Variants in SH2B2 observed in about 807,000 individuals in gnomAD.
SH2B2 encodes SH2B adaptor protein 2, also known as SH2B adapter protein 2.
In SH2B2, 37 loss-of-function variants were observed where a neutral mutation model predicts 35.7. That is an observed-to-expected ratio of 1.04 (90% CI 0.80 to 1.36). SH2B2 has a LOEUF of 1.36. SH2B2 is among the 40% of genes most tolerant of loss of function. The pLI, the probability that SH2B2 is intolerant of heterozygous loss-of-function variation, is 0.00. For synonymous variants in SH2B2, 383 were observed against 376.4 expected (o/e 1.02, Z -0.20); for missense variants, 852 against 817.7 (o/e 1.04, Z -0.51).
intron 1 of SH2B2, among the ~76,000 whole-genome samples, chr7:102,290,972 C>G (rs1792651105): frequency 6.6e-6 from 1 of 152,222 alleles, no homozygotes; most frequent in South Asian, 2.1e-4. Context: ...TCCATCTTAA[C>G]AGATGGGGAA....
At chr7:102,286,785 G>A (rs1418597964), upstream of SH2B2, 1 of 134,512 alleles carries the variant, frequency 7.4e-6, no homozygotes, top group Admixed American at 7.1e-5. Flanking sequence ...GCCAGGACGC[G>A]CGAGGGGGGG....
At chr7:102,318,932 G>A (rs1483351353) in intron 7 of SH2B2, among the ~76,000 whole-genome samples, 1 of 152,196 alleles carries the variant, frequency 6.6e-6, no homozygotes, top group Non-Finnish European at 1.5e-5. Flanking sequence ...CAAGCCAGAG[G>A]CTAGGATGGG....
chr7:102,309,066 A>G (rs782321203), intron 4 of SH2B2, 160 bp downstream of exon 4: 2 of 724,824 alleles, frequency 2.8e-6, no homozygotes, highest in African/African-American at 1.7e-5. Flanking sequence ...CCTCCTTTAA[A>G]ATACCCCCTA....
intron 1 of SH2B2, among the ~76,000 whole-genome samples, chr7:102,295,821 C>A (rs1238245126): frequency 5.9e-5 from 9 of 152,062 alleles, no homozygotes; most frequent in Admixed American, 4.6e-4. Context: ...GGGAAAAGGT[C>A]AGGCATGAGC....
chr7:102,319,891 G>A (rs550237188), intron 7 of SH2B2, among the ~76,000 whole-genome samples: 3 of 151,468 alleles, frequency 2.0e-5, no homozygotes, highest in Non-Finnish European at 1.5e-5. Flanking sequence ...TTTTGGCTCT[G>A]CAGGGACAGA....
intron 5 of SH2B2, 41 bp downstream of exon 5, chr7:102,314,468 G>T (rs889590622): frequency 1.1e-4 from 42 of 398,700 alleles, no homozygotes; most frequent in African/African-American, 8.4e-4. Flanking sequence ...CACACTCAGG[G>T]TGGACAGATA....
Position 102,297,394 on chromosome 7 carries a change from TACACACACACACAC to T in SH2B2, c.-29-3105_-29-3092del, listed in dbSNP as rs3988122. Among the ~76,000 whole-genome samples, 105 of 144,550 alleles carry T rather than the reference TACACACACACACAC, an allele frequency of 7.3e-4. 2 individuals are homozygous for T. The South Asian group carries it at 0.011, about 15-fold the overall frequency. The allele number at this position is 144,550 out of a possible 152,430, so 94.8% of individuals were successfully genotyped here. On this transcript the variant is annotated intron_variant, in intron 1 of 8. Transcript: ENST00000444095. The surrounding 1 kb of genome is among the most constrained non-coding windows in gnomAD (Gnocchi z 4.3). ...CATCAATAGAGTGAGATCCCATCTCTACACACACACACACACACACACACACACACACACACGCA... is the reference window on the plus strand; with the variant it reads ...CATCAATAGAGTGAGATCCCATCTCTACACACACACACACACACACACGCA...
In SH2B2 at chr7:102,308,896, G is replaced by A. The variant is rs782217558; in HGVS notation, c.913G>A (p.Val305Met). 5.0e-6 allele frequency: 8 copies of A among 1,613,288 alleles called. No homozygotes were observed. The Admixed American group carries it at 5.0e-5, about 10-fold the overall frequency. Residue 305 changes from valine (V) to methionine (M), a missense_variant, in exon 4 of 9, where the codon GTG becomes ATG. This residue lies in a region of SH2B2 where 556 missense variants were observed against 514.5 expected (regional missense o/e 1.08). Coordinates refer to ENST00000444095, the MANE Select transcript of SH2B2 (RefSeq NM_001359228.2). ...GTGGGTAGCTGACATCCAGGGCTGC[G>A]TGGACCCCGGGTGAGTGTCCAAGTG... ...HSWVADIQGCVDPGDSEEDTE... is the reference protein window; with the variant it reads ...HSWVADIQGCMDPGDSEEDTE...
intron 4 of SH2B2, among the ~76,000 whole-genome samples, chr7:102,313,389 G>A (rs1451700908): frequency 1.5e-4 from 23 of 151,460 alleles, no homozygotes; most frequent in Middle Eastern, 6.9e-3. Flanking sequence ...CAGAAGTTGC[G>A]GTGAGCTGAG....
chr7:102,315,756 A>G (rs1554556857), intron 6 of SH2B2, among the ~76,000 whole-genome samples: 1 of 149,562 alleles, frequency 6.7e-6, no homozygotes, highest in Non-Finnish European at 1.5e-5. Context: ...AAAAAAAAAA[A>G]AAAAAAGAAA....
At chr7:102,290,098 C>A (rs969932820) in intron 1 of SH2B2, among the ~76,000 whole-genome samples, 1 of 150,590 alleles carries the variant, frequency 6.6e-6, no homozygotes, top group Non-Finnish European at 1.5e-5. Context: ...CCCACCCAGC[C>A]GCTCAGAGTG....
chr7:102,286,494 C>A (rs546446494), upstream of SH2B2, among the ~76,000 whole-genome samples: 27 of 152,264 alleles, frequency 1.8e-4, no homozygotes, highest in African/African-American at 6.3e-4. Context: ...ACGCTCCGCG[C>A]TCCCGGGGCC....
At chr7:102,320,559 T>G (rs1315188611) in intron 8 of SH2B2, 57 bp downstream of exon 8, 114 of 1,562,388 alleles carry the variant, frequency 7.3e-5, no homozygotes, top group Non-Finnish European at 9.2e-5. Context: ...CGTTGATTAC[T>G]CAAGAAGGTG....
intron 4 of SH2B2, chr7:102,309,353 CTCTTT>C (rs1554555542): frequency 5.9e-5 from 16 of 271,990 alleles, no homozygotes; most frequent in East Asian, 1.1e-4. Flanking sequence ...CTCTCTCTCT[CTCTTT>C]TTTTTTTTTT....
chr7:102,290,608 G>A (rs373013148), intron 1 of SH2B2, among the ~76,000 whole-genome samples: 66 of 152,288 alleles, frequency 4.3e-4, no homozygotes, highest in Non-Finnish European at 7.6e-4. Context: ...CCCACCTGGC[G>A]TCTGACACAC....
intron 7 of SH2B2, among the ~76,000 whole-genome samples, chr7:102,319,344 C>T (rs1228420691): frequency 6.6e-6 from 1 of 152,202 alleles, no homozygotes; most frequent in Non-Finnish European, 1.5e-5. Flanking sequence ...ACTTATTCTG[C>T]TAAGTGGCAG....
At chr7:102,316,419 T>C (rs1433182626) in intron 6 of SH2B2, among the ~76,000 whole-genome samples, 1 of 150,132 alleles carries the variant, frequency 6.7e-6, no homozygotes, top group Admixed American at 6.7e-5. Context: ...AAACCCTGTC[T>C]CTACTAAAAA....
chr7:102,286,853 C>T (rs1411670560), upstream of SH2B2: 172 of 548 alleles, frequency 0.31, 3 homozygotes, highest in African/African-American at 0.43. Flanking sequence ...GCGCGCGCCT[C>T]GCGGGCGGAG....
intron 4 of SH2B2, chr7:102,309,219 C>A: frequency 1.9e-6 from 1 of 534,820 alleles, no homozygotes; most frequent in Non-Finnish European, 3.6e-6. Flanking sequence ...AGTGAGTCCC[C>A]AAAGGGCTGG....
Sources: allele counts gnomAD v4.1 joint callset (sites outside exome capture counted in the v4.1 genomes callset), GRCh38; gene constraint gnomAD v4.1.1; regional missense constraint gnomAD v4.1.1; non-coding constraint Gnocchi (gnomAD v3.1); transcripts MANE v1.5; gene names NCBI Gene and HGNC (gene_info 2026-07-23, HGNC 2026-07-21).